TBL1X: variants seen among roughly 807,000 people sequenced by gnomAD.
TBL1X encodes the protein F-box-like/WD repeat-containing protein TBL1X.
In TBL1X, 10 loss-of-function variants were observed where a neutral mutation model predicts 50.7. The ratio of observed to expected loss-of-function variants is 0.20; its 90% CI spans 0.12 to 0.33. TBL1X has a LOEUF of 0.33. Ranked by LOEUF, TBL1X falls within the 10% of genes least tolerant of loss-of-function variation. The probability of loss-of-function intolerance (pLI) is 1.00; values close to 1 mark genes in which losing one functional copy is unlikely to be tolerated. For missense variants in TBL1X, 340 were observed against 504.4 expected, an observed-to-expected ratio of 0.67 and a Z score of 3.12; for synonymous variants, 190 against 214.7, an observed-to-expected ratio of 0.88 and a Z score of 1.01.
At chrX:9,620,317 A>T (rs1250353068) in intron 2 of TBL1X, among the ~76,000 whole-genome samples, 2 of 112,147 alleles carry the variant, frequency 1.8e-5, no homozygotes, top group Non-Finnish European at 3.8e-5. Flanking sequence ...TTATCCGGGA[A>T]CTCATACTTA....
intron 2 of TBL1X, among the ~76,000 whole-genome samples, chrX:9,618,292 A>G (rs185530286): frequency 3.1e-4 from 35 of 111,891 alleles, no homozygotes; most frequent in Non-Finnish European, 5.8e-4. Context: ...GCTTGACTTC[A>G]CGGCCTGGAG....
intron 2 of TBL1X, among the ~76,000 whole-genome samples, chrX:9,567,296 G>A (rs1167126536): frequency 9.0e-6 from 1 of 111,504 alleles, no homozygotes; most frequent in Non-Finnish European, 1.9e-5. Flanking sequence ...TGGCGTGTCT[G>A]ACAGGGAAGA....
Position 9,480,768 on chromosome X carries a change from C to T in TBL1X, c.-201+15321C>T, listed in dbSNP as rs1052657177. Among the ~76,000 whole-genome samples the T allele has an allele frequency of 8.7e-5, 6 of 68,616 alleles. No individual in the cohort carries two copies. The East Asian group carries it at 1.8e-3, about 20-fold the overall frequency. The allele number at this position is 68,616 out of a possible 115,157, so 59.6% of individuals were successfully genotyped here. A position where few individuals can be genotyped will look rare whatever the true frequency, so the allele number is the denominator to read the frequency against. On this transcript the variant is annotated intron_variant, in intron 1 of 17. Coordinates refer to ENST00000645353, the MANE Select transcript of TBL1X (RefSeq NM_005647.4). ...ATCTAAATTAAGCCACCCCCCCCCCCGCCCTTATTTTAATCTGGTTAACCT... is the reference window on the plus strand; with the variant it reads ...ATCTAAATTAAGCCACCCCCCCCCCTGCCCTTATTTTAATCTGGTTAACCT...
intron 1 of TBL1X, among the ~76,000 whole-genome samples, chrX:9,492,877 GT>G (rs1569206115): frequency 1.0e-4 from 5 of 49,320 alleles, no homozygotes; most frequent in East Asian, 1.3e-3. Flanking sequence ...GTGTGTGTGT[GT>G]GTGTGTGTGT....
At chrX:9,683,987 A>T (rs1477231458) in intron 5 of TBL1X, 56 bp from the exon 6 acceptor site, 7 of 1,207,307 alleles carry the variant, frequency 5.8e-6, no homozygotes, top group Middle Eastern at 2.3e-4. Context: ...CAATGGCTGC[A>T]CCTCCCTCCT....
At chrX:9,623,484 C>T (rs2082677651) in intron 2 of TBL1X, among the ~76,000 whole-genome samples, 1 of 110,720 alleles carries the variant, frequency 9.0e-6, no homozygotes, top group Admixed American at 9.6e-5. Context: ...CCCAGGAGTT[C>T]GAGACCGGCC....
chrX:9,581,383 G>C (rs2082440762), intron 2 of TBL1X, among the ~76,000 whole-genome samples: 1 of 111,886 alleles, frequency 8.9e-6, no homozygotes, highest in African/African-American at 3.3e-5. Flanking sequence ...TTCACACCGT[G>C]CCCCCTGTGT....
intron 2 of TBL1X, among the ~76,000 whole-genome samples, chrX:9,593,654 C>T (rs949363954): frequency 9.1e-5 from 10 of 110,483 alleles, no homozygotes; most frequent in Non-Finnish European, 1.1e-4. Context: ...ACCCTTTCCC[C>T]ACCTTTTCTC....
At chrX:9,713,806 G>A (rs1378936216) in intron 16 of TBL1X, among the ~76,000 whole-genome samples, 1 of 109,720 alleles carries the variant, frequency 9.1e-6, no homozygotes, top group African/African-American at 3.3e-5. Context: ...ATACTTATCT[G>A]TAATACTGCC....
chrX:9,638,814 G>C lies in TBL1X; in HGVS notation c.-130-1459G>C, dbSNP rs1377376438. On this transcript the variant is annotated intron_variant, in intron 2 of 17. Transcript: ENST00000645353. ...TGGTATTTAGCAATTTCATCATAAGGCTATTTTTTCCCCTGGTAATTTATA... is the reference window on the plus strand; with the variant it reads ...TGGTATTTAGCAATTTCATCATAAGCCTATTTTTTCCCCTGGTAATTTATA... Among the ~76,000 whole-genome samples the C allele has an allele frequency of 5.4e-5, 6 of 111,720 alleles. No individual in the cohort carries two copies. The Admixed American group carries it at 5.7e-4, about 11-fold the overall frequency.
intron 5 of TBL1X, among the ~76,000 whole-genome samples, chrX:9,674,994 T>G (rs919023441): frequency 1.8e-5 from 2 of 112,146 alleles, no homozygotes; most frequent in African/African-American, 3.2e-5. Context: ...CCTGTTAGTT[T>G]ACGAGTTTCA....
chrX:9,567,215 T>G (rs1261335836), intron 2 of TBL1X, among the ~76,000 whole-genome samples: 1 of 111,463 alleles, frequency 9.0e-6, no homozygotes, highest in Non-Finnish European at 1.9e-5. Context: ...TTCCATGATC[T>G]TTCCAGGAGG....
intron 5 of TBL1X, among the ~76,000 whole-genome samples, chrX:9,680,047 A>G (rs761900739): frequency 8.9e-5 from 10 of 111,972 alleles, no homozygotes; most frequent in Non-Finnish European, 1.9e-4. Flanking sequence ...CCTGTTTCAC[A>G]TGGATGGCTC....
chrX:9,650,701 TCCTA>T (rs1452186033), intron 3 of TBL1X, among the ~76,000 whole-genome samples: 1 of 111,962 alleles, frequency 8.9e-6, no homozygotes, highest in African/African-American at 3.2e-5. Context: ...GCTCTGCTCT[TCCTA>T]CCTTTTTAAG....
In TBL1X at chrX:9,684,184, A is replaced by G; in HGVS notation, c.353A>G (p.Asn118Ser). 1 of 1,212,024 alleles carries G rather than the reference A, an allele frequency of 8.3e-7. No individual in the cohort carries two copies. The highest frequency in any genetic ancestry group is 1.1e-6 in the Non-Finnish European group (1 of 895,541). ...TATGTAGAGGCCGAGATCAGTATCA[A>G]CGAGGTACGTAGCTGCTGGGCCCGG... ...LQYVEAEISINEDGTVFDGRP... is the reference protein window; with the variant it reads ...LQYVEAEISISEDGTVFDGRP... The change falls in exon 6 of 18, where the codon AAC (asparagine) becomes AGC (serine). Residue 118 changes from asparagine (N) to serine (S), a missense_variant. Asn to Ser is a conservative substitution (Grantham distance 46). Around this residue, in one of 6 missense-constraint regions of TBL1X, gnomAD observed 24 missense variants for 44.1 expected, o/e 0.54. Transcript: ENST00000645353.
intron 5 of TBL1X, among the ~76,000 whole-genome samples, chrX:9,673,167 G>T (rs1388722793): frequency 8.9e-6 from 1 of 112,509 alleles, no homozygotes; most frequent in African/African-American, 3.2e-5. Flanking sequence ...TAGAAGGGCG[G>T]AGAGAAGCAT....
intron 1 of TBL1X, among the ~76,000 whole-genome samples, chrX:9,483,350 A>G (rs1175442940): frequency 2.7e-5 from 3 of 112,558 alleles, no homozygotes; most frequent in African/African-American, 9.7e-5. Context: ...CAAAAAGACC[A>G]ACAAGACTTT....
At chrX:9,652,993 C>T (rs1191804009) in intron 3 of TBL1X, among the ~76,000 whole-genome samples, 1 of 111,144 alleles carries the variant, frequency 9.0e-6, no homozygotes, top group Non-Finnish European at 1.9e-5. Context: ...GGTGAAACCC[C>T]GTCTCTACAA....
At chrX:9,511,195 G>A (rs2082054199) in intron 2 of TBL1X, among the ~76,000 whole-genome samples, 2 of 112,481 alleles carry the variant, frequency 1.8e-5, no homozygotes, top group Admixed American at 1.9e-4. Flanking sequence ...TACTCAATGG[G>A]AGTTAAAACA....
Sources: allele counts gnomAD v4.1 joint callset (sites outside exome capture counted in the v4.1 genomes callset), GRCh38; gene constraint gnomAD v4.1.1; regional missense constraint gnomAD v4.1.1; transcripts MANE v1.5; gene names NCBI Gene and HGNC (gene_info 2026-07-23, HGNC 2026-07-21).